THSD7A: variants seen among roughly 807,000 people sequenced by gnomAD.
THSD7A encodes the protein thrombospondin type 1 domain containing 7A, also known as thrombospondin type-1 domain-containing protein 7A.
In THSD7A, 96 loss-of-function variants were observed where a neutral mutation model predicts 231.3. The ratio of observed to expected loss-of-function variants is 0.41; its 90% CI spans 0.35 to 0.49. The LOEUF (loss-of-function observed/expected upper bound fraction) is 0.49, where lower values mean the gene tolerates loss of function less well. Among genes scored for constraint, THSD7A ranks in the 20% least tolerant of loss-of-function variants. THSD7A has a pLI of 0.05. For synonymous variants in THSD7A, 940 were observed against 743.3 expected, an observed-to-expected ratio of 1.26 and a Z score of -4.30; for missense variants, 2,290 against 2,070.2, an observed-to-expected ratio of 1.11 and a Z score of -2.06.
intron 1 of THSD7A, among the ~76,000 whole-genome samples, chr7:11,704,831 C>T (rs1780713747): frequency 6.6e-6 from 1 of 150,862 alleles, no homozygotes; most frequent in Non-Finnish European, 1.5e-5. Flanking sequence ...GCATAATTTG[C>T]CAAGTTGTGT....
At chr7:11,531,589 A>C (rs1788712468) in intron 6 of THSD7A, among the ~76,000 whole-genome samples, 1 of 152,190 alleles carries the variant, frequency 6.6e-6, no homozygotes, top group Non-Finnish European at 1.5e-5. Context: ...TTCTCTTCTC[A>C]AATTCGCATA....
intron 1 of THSD7A, among the ~76,000 whole-genome samples, chr7:11,781,856 A>AT (rs930193110): frequency 6.6e-5 from 10 of 152,014 alleles, no homozygotes; most frequent in African/African-American, 2.4e-4. Flanking sequence ...AAAAAAGTGC[A>AT]TTTTTTTTCT....
intron 1 of THSD7A, among the ~76,000 whole-genome samples, chr7:11,791,843 T>C (rs988206817): frequency 6.6e-6 from 1 of 152,000 alleles, no homozygotes; most frequent in Non-Finnish European, 1.5e-5. Context: ...TTCATCATCC[T>C]GTTCTTTTTT....
At chr7:11,595,516 T>C (rs1264064838) in intron 2 of THSD7A, among the ~76,000 whole-genome samples, 1 of 152,158 alleles carries the variant, frequency 6.6e-6, no homozygotes, top group Non-Finnish European at 1.5e-5. Context: ...GATGGCCCAT[T>C]GTGAGCGAGC....
intron 1 of THSD7A, among the ~76,000 whole-genome samples, chr7:11,714,671 A>G (rs985480214): frequency 2.0e-5 from 3 of 151,326 alleles, no homozygotes; most frequent in Non-Finnish European, 4.4e-5. Flanking sequence ...CCTAAGAAAA[A>G]AAGCAGTTTT....
At chr7:11,384,616 A>G (rs1250286599) in intron 23 of THSD7A, 1 of 151,900 alleles carries the variant, frequency 6.6e-6, no homozygotes, top group African/African-American at 2.4e-5. Context: ...TCATTCTCCC[A>G]CTGACTTTCC....
chr7:11,469,901 T>A lies in THSD7A; in HGVS notation c.2346A>T (p.Ser782=), dbSNP rs1446090121. The change falls in exon 9 of 28, where the codon TCA becomes TCT. Residue 782 remains serine, a synonymous_variant. Transcript: ENST00000423059. ...CIVTPYSDWT[S]CPSSCKEGDS... is the part of the protein sequence containing the mutation. ...TACCTTCTTTACACGAAGAGGGGCATGATGTCCAGTCACTATATGGGGTCA... is the reference window on the plus strand; with the variant it reads ...TACCTTCTTTACACGAAGAGGGGCAAGATGTCCAGTCACTATATGGGGTCA... The A allele has an allele frequency of 6.3e-7, 1 of 1,599,376 alleles. No individual in the cohort carries two copies. The highest frequency in any genetic ancestry group is 1.1e-5 in the South Asian group (1 of 88,120).
At chr7:11,592,138 CA>C (rs1443838109) in intron 3 of THSD7A, among the ~76,000 whole-genome samples, 6 of 152,172 alleles carry the variant, frequency 3.9e-5, no homozygotes, top group African/African-American at 1.4e-4. Flanking sequence ...CCAGAACAAT[CA>C]GTGGGATAGG....
chr7:11,401,392 G>A, intron 23 of THSD7A, among the ~76,000 whole-genome samples: 1 of 152,120 alleles, frequency 6.6e-6, no homozygotes, highest in East Asian at 1.9e-4. Context: ...AGCCTCAAGT[G>A]ACATCTGAGT....
intron 1 of THSD7A, among the ~76,000 whole-genome samples, chr7:11,734,928 A>C (rs796188340): frequency 3.9e-5 from 6 of 152,046 alleles, no homozygotes; most frequent in African/African-American, 1.4e-4. Context: ...TATTGCTTAG[A>C]GGACCAGATT....
intron 6 of THSD7A, among the ~76,000 whole-genome samples, chr7:11,482,807 G>C (rs1357533690): frequency 5.9e-5 from 9 of 152,062 alleles, no homozygotes; most frequent in Admixed American, 5.9e-4. Flanking sequence ...GCCCAAAAAT[G>C]GACACTTATT....
chr7:11,589,964 A>C (rs1780085676), intron 4 of THSD7A, among the ~76,000 whole-genome samples: 1 of 152,178 alleles, frequency 6.6e-6, no homozygotes, highest in Admixed American at 6.5e-5. Context: ...CTTTGGGTTA[A>C]AGTTTTCTTT....
intron 1 of THSD7A, among the ~76,000 whole-genome samples, chr7:11,758,578 T>G (rs1224552813): frequency 1.3e-5 from 2 of 151,896 alleles, no homozygotes; most frequent in African/African-American, 4.8e-5. Context: ...AATTAAGGAC[T>G]TCTATAGGAT....
intron 10 of THSD7A, among the ~76,000 whole-genome samples, chr7:11,461,797 G>T (rs115952037): frequency 1.3e-5 from 2 of 152,120 alleles, no homozygotes; most frequent in African/African-American, 4.8e-5. Context: ...CGTCACCTTG[G>T]AAGTTTACAC....
chr7:11,606,672 T>A (rs1021198382), intron 2 of THSD7A, among the ~76,000 whole-genome samples: 1 of 152,142 alleles, frequency 6.6e-6, no homozygotes, highest in Admixed American at 6.6e-5. Context: ...CTTTTTTATA[T>A]TAATGATATT....
chr7:11,657,462 C>A (rs570126719), intron 1 of THSD7A, among the ~76,000 whole-genome samples: 2 of 151,828 alleles, frequency 1.3e-5, no homozygotes, highest in African/African-American at 2.4e-5. Context: ...GGTGTGGAAC[C>A]ATTACTATGG....
At chr7:11,549,553 A>T (rs1250551667) in intron 4 of THSD7A, among the ~76,000 whole-genome samples, 1 of 152,214 alleles carries the variant, frequency 6.6e-6, no homozygotes, top group Non-Finnish European at 1.5e-5. Flanking sequence ...GATAGACTGG[A>T]TAAAGAAAAT....
chr7:11,497,213 G>A (rs1389263694), intron 6 of THSD7A, among the ~76,000 whole-genome samples: 1 of 152,110 alleles, frequency 6.6e-6, no homozygotes, highest in East Asian at 1.9e-4. Flanking sequence ...TCACTATAAT[G>A]AGAATAGGAT....
At chr7:11,505,031 G>A (rs996033840) in intron 6 of THSD7A, among the ~76,000 whole-genome samples, 4 of 152,114 alleles carry the variant, frequency 2.6e-5, no homozygotes, top group African/African-American at 9.7e-5. Flanking sequence ...CAGAACTCCT[G>A]ATTGTCAAAC....
Sources: allele counts gnomAD v4.1 joint callset (sites outside exome capture counted in the v4.1 genomes callset), GRCh38; gene constraint gnomAD v4.1.1; transcripts MANE v1.5; gene names NCBI Gene and HGNC (gene_info 2026-07-23, HGNC 2026-07-21).